The following SLC39A11 variants were observed in gnomAD, a reference collection of about 807,000 sequenced individuals.
SLC39A11 encodes the protein zinc transporter ZIP11.
Under a neutral mutation model 36.1 loss-of-function variants are expected in SLC39A11, and 33 were observed. The ratio of observed to expected loss-of-function variants is 0.91; its 90% CI spans 0.69 to 1.22. The LOEUF is 1.22. Among genes scored for constraint, SLC39A11 ranks in the 50% most tolerant of loss-of-function variants. The probability of loss-of-function intolerance (pLI) is 0.00; values close to 1 mark genes in which losing one functional copy is unlikely to be tolerated. For synonymous variants in SLC39A11, 166 were observed against 170.3 expected (o/e 0.97, Z 0.20); for missense variants, 432 against 430.3 (o/e 1.00, Z -0.03).
chr17:72,939,659 T>C (rs529785690), intron 5 of SLC39A11, among the ~76,000 whole-genome samples: 2 of 152,090 alleles, frequency 1.3e-5, no homozygotes, highest in East Asian at 1.9e-4. Flanking sequence ...AGAGATTGAA[T>C]TGATGCAGCT....
chr17:72,794,959 C>T (rs2076846336), intron 6 of SLC39A11, among the ~76,000 whole-genome samples: 1 of 152,086 alleles, frequency 6.6e-6, no homozygotes, highest in Non-Finnish European at 1.5e-5. Context: ...ATGAATGCCA[C>T]CAGAATTCTG....
rs111366627 is a variant in SLC39A11 at position 72,952,772 on chromosome 17, C to T, written c.307-4897G>A. On this transcript the variant is annotated intron_variant, in intron 4 of 9. Transcript: ENST00000255559. ...AAGGTCGGCAAAGTGCGAGCGTGAT[C>T]CTTCTTAGGGCAAACACGTGACCAA... Among the ~76,000 whole-genome samples the T allele has an allele frequency of 8.3e-3, 1,263 of 152,272 alleles. 26 individuals carry two copies. Among genetic ancestry groups the T allele is most frequent in the African/African-American group, 0.029 (1,189 of 41,558 alleles).
At chr17:72,798,101 A>C (rs893170549) in intron 6 of SLC39A11, among the ~76,000 whole-genome samples, 1 of 152,118 alleles carries the variant, frequency 6.6e-6, no homozygotes, top group Non-Finnish European at 1.5e-5. Flanking sequence ...TGGGTGTATC[A>C]CTAGGAGAAG....
chr17:72,815,735 AACATGGCGAAACCCTGCC>A (rs1478931473), intron 6 of SLC39A11, among the ~76,000 whole-genome samples: 2 of 152,226 alleles, frequency 1.3e-5, no homozygotes, highest in African/African-American at 4.8e-5. Context: ...CAGTCTGGCC[AACATGGCGAAACCCTGCC>A]TCTACTAAAA....
intron 5 of SLC39A11, among the ~76,000 whole-genome samples, chr17:72,852,030 A>C (rs1251398858): frequency 6.6e-6 from 1 of 151,362 alleles, no homozygotes; most frequent in Non-Finnish European, 1.5e-5. Context: ...GTGAAACCCT[A>C]TCTCTACTAA....
intron 5 of SLC39A11, among the ~76,000 whole-genome samples, chr17:72,933,912 T>C (rs1006554055): frequency 2.0e-5 from 3 of 151,646 alleles, no homozygotes; most frequent in African/African-American, 7.3e-5. Flanking sequence ...GAATGAAGGG[T>C]CCAAAAACAG....
intron 5 of SLC39A11, among the ~76,000 whole-genome samples, chr17:72,890,589 C>T (rs2081685990): frequency 6.6e-6 from 1 of 152,134 alleles, no homozygotes; most frequent in Non-Finnish European, 1.5e-5. Flanking sequence ...AAAAAGCTAT[C>T]AGGTAATGTA....
chr17:72,720,082 C>G (rs909794491), intron 7 of SLC39A11, among the ~76,000 whole-genome samples: 1 of 152,184 alleles, frequency 6.6e-6, no homozygotes, highest in South Asian at 2.1e-4. Context: ...GAGCTGACCA[C>G]GCATTGCCTG....
chr17:72,840,899 C>T (rs1304844515), intron 6 of SLC39A11, among the ~76,000 whole-genome samples: 1 of 149,252 alleles, frequency 6.7e-6, no homozygotes, highest in Non-Finnish European at 1.5e-5. Flanking sequence ...ACTAAAAATA[C>T]AAAAAATTAG....
intron 3 of SLC39A11, among the ~76,000 whole-genome samples, chr17:73,045,780 A>C (rs75879112): frequency 6.6e-6 from 1 of 152,218 alleles, no homozygotes; most frequent in Non-Finnish European, 1.5e-5. Context: ...GACTTAAAAA[A>C]CAACAGCAAC....
At chr17:72,978,676 G>A (rs1452857099) in intron 4 of SLC39A11, among the ~76,000 whole-genome samples, 1 of 152,156 alleles carries the variant, frequency 6.6e-6, no homozygotes, top group East Asian at 1.9e-4. Flanking sequence ...GGGAGTAAGG[G>A]GGACCAGTCA....
At chr17:73,028,588 T>C (rs2058638042) in intron 4 of SLC39A11, among the ~76,000 whole-genome samples, 1 of 152,170 alleles carries the variant, frequency 6.6e-6, no homozygotes, top group Admixed American at 6.5e-5. Flanking sequence ...TCATTTCTTT[T>C]TAAATCTCCT....
chr17:72,826,906 A>C (rs1029029371), intron 6 of SLC39A11, among the ~76,000 whole-genome samples: 1 of 152,224 alleles, frequency 6.6e-6, no homozygotes, highest in Non-Finnish European at 1.5e-5. Flanking sequence ...GATAGGAATG[A>C]AAAATGGTGC....
At chr17:72,754,961 C>G (rs1332398426) in intron 6 of SLC39A11, among the ~76,000 whole-genome samples, 1 of 152,220 alleles carries the variant, frequency 6.6e-6, no homozygotes, top group Non-Finnish European at 1.5e-5. Flanking sequence ...AAGTCTAAAT[C>G]AGTCTCTTAA....
At chr17:73,017,338 T>G (rs1261244326) in intron 4 of SLC39A11, among the ~76,000 whole-genome samples, 2 of 152,160 alleles carry the variant, frequency 1.3e-5, no homozygotes, top group African/African-American at 4.8e-5. Context: ...GTGCACCACG[T>G]TCACCTGAAC....
intron 6 of SLC39A11, among the ~76,000 whole-genome samples, chr17:72,773,609 A>G (rs911072810): frequency 1.3e-4 from 19 of 151,318 alleles, no homozygotes; most frequent in Non-Finnish European, 1.3e-4. Context: ...CTTTATCAGC[A>G]GCTTGAAAAC....
chr17:72,736,373 C>T (rs1200688915), intron 7 of SLC39A11, among the ~76,000 whole-genome samples: 1 of 152,168 alleles, frequency 6.6e-6, no homozygotes, highest in African/African-American at 2.4e-5. Context: ...AGTCTTCACA[C>T]CTTTGAAGTG....
chr17:72,755,093 A>C (rs532883151), intron 6 of SLC39A11, among the ~76,000 whole-genome samples: 1 of 152,348 alleles, frequency 6.6e-6, no homozygotes, highest in East Asian at 1.9e-4. Context: ...CTGATTAGGA[A>C]TGTCAAGCTC....
intron 3 of SLC39A11, among the ~76,000 whole-genome samples, chr17:73,071,479 C>T (rs1015274020): frequency 6.6e-6 from 1 of 152,172 alleles, no homozygotes; most frequent in Non-Finnish European, 1.5e-5. Context: ...TTGGGAGGGT[C>T]CACCACAAAG....
Sources: allele counts gnomAD v4.1 joint callset (sites outside exome capture counted in the v4.1 genomes callset), GRCh38; gene constraint gnomAD v4.1.1; transcripts MANE v1.5; gene names NCBI Gene and HGNC (gene_info 2026-07-23, HGNC 2026-07-21).